Variants in GRIP1 observed in about 807,000 individuals in gnomAD.
GRIP1 encodes the protein glutamate receptor-interacting protein 1.
A neutral mutation model predicts 129.9 loss-of-function variants in GRIP1; 45 were observed. The ratio of observed to expected loss-of-function variants is 0.35; its 90% CI spans 0.27 to 0.44. The LOEUF (loss-of-function observed/expected upper bound fraction) is 0.44. Ranked by LOEUF, GRIP1 falls within the 20% of genes least tolerant of loss-of-function variation. GRIP1 has a pLI of 1.00. For synonymous variants in GRIP1, 530 were observed against 520.8 expected (o/e 1.02, Z -0.24); for missense variants, 1,196 against 1,396.8 (o/e 0.86, Z 2.29).
intron 1 of GRIP1, among the ~76,000 whole-genome samples, chr12:66,997,285 T>A (rs1279138606): frequency 6.6e-6 from 1 of 151,734 alleles, no homozygotes; most frequent in East Asian, 1.9e-4. Flanking sequence ...CTCCATTAAA[T>A]AAGGACAGGA....
chr12:66,451,795 G>A (rs909729079), intron 11 of GRIP1, among the ~76,000 whole-genome samples: 6 of 152,130 alleles, frequency 3.9e-5, no homozygotes, highest in Non-Finnish European at 5.9e-5. Context: ...GTTCAGGAAC[G>A]CAGTAGAGGT....
At chr12:66,906,112 T>A (rs866207084) in intron 1 of GRIP1, among the ~76,000 whole-genome samples, 4 of 152,152 alleles carry the variant, frequency 2.6e-5, no homozygotes, top group African/African-American at 9.6e-5. Context: ...AAAACTTGTA[T>A]CATTTAAAAT....
At position 66,353,438 on chromosome 12, in the gene GRIP1, C is replaced by T; in HGVS notation, c.3138G>A (p.Lys1046=). The T allele has an allele frequency of 6.2e-7, 1 of 1,612,856 alleles. No homozygotes were observed. The highest frequency in any genetic ancestry group is 1.1e-5 in the South Asian group (1 of 91,064). ...PAGPGDLGGL[K]PYDRLLQVNH... Reference sequence around the variant, plus strand: ...TTACCTGTAAGAGCCTGTCATAGGGCTTTAAGCCACCAAGATCTCCTGGCC... The same window carrying T: ...TTACCTGTAAGAGCCTGTCATAGGGTTTTAAGCCACCAAGATCTCCTGGCC... Residue 1046 remains lysine (K), a synonymous_variant, in exon 24 of 25, where the codon AAG becomes AAA. Coordinates refer to ENST00000359742, the MANE Select transcript of GRIP1 (RefSeq NM_001366722.1).
intron 7 of GRIP1, among the ~76,000 whole-genome samples, chr12:66,511,270 G>A (rs1039873483): frequency 2.0e-5 from 3 of 152,068 alleles, no homozygotes; most frequent in African/African-American, 7.2e-5. Context: ...CCAGCCATGT[G>A]GAACTGTGAG....
chr12:66,384,436 A>G (rs1487879344), intron 19 of GRIP1, among the ~76,000 whole-genome samples: 3 of 152,234 alleles, frequency 2.0e-5, no homozygotes, highest in Non-Finnish European at 2.9e-5. Flanking sequence ...GAATTGTGAG[A>G]TATTCCGGGT....
intron 13 of GRIP1, among the ~76,000 whole-genome samples, chr12:66,438,391 A>G (rs138428647): frequency 2.3e-3 from 347 of 152,302 alleles, no homozygotes; most frequent in African/African-American, 8.0e-3. Flanking sequence ...GGAACCCCAG[A>G]GAAACAGTAG....
intron 1 of GRIP1, among the ~76,000 whole-genome samples, chr12:66,728,604 A>C (rs1452925844): frequency 6.6e-6 from 1 of 152,160 alleles, no homozygotes; most frequent in Non-Finnish European, 1.5e-5. Flanking sequence ...CTTTTAAACC[A>C]TTATACTCAG....
chr12:66,937,530 C>T (rs1278254426), intron 1 of GRIP1, among the ~76,000 whole-genome samples: 1 of 152,124 alleles, frequency 6.6e-6, no homozygotes. Context: ...AAGTAATACA[C>T]AAGCTCATAC....
At chr12:66,856,101 G>A (rs1186043510) in intron 1 of GRIP1, among the ~76,000 whole-genome samples, 1 of 151,998 alleles carries the variant, frequency 6.6e-6, no homozygotes, top group African/African-American at 2.4e-5. Context: ...TGACAAACCT[G>A]ACAAAAACAA....
chr12:66,916,658 TA>T (rs142101681), intron 1 of GRIP1, among the ~76,000 whole-genome samples: 4,034 of 152,102 alleles, frequency 0.027, 191 homozygotes, highest in African/African-American at 0.093. Flanking sequence ...TTAGGGGGGT[TA>T]AAAAAACGAT....
chr12:66,356,301 C>T (rs2054485932), intron 23 of GRIP1, among the ~76,000 whole-genome samples: 1 of 152,218 alleles, frequency 6.6e-6, no homozygotes, highest in African/African-American at 2.4e-5. Flanking sequence ...AGAGAAATAG[C>T]AACTTGCCCA....
At chr12:66,499,290 G>C (rs1196084591) in intron 7 of GRIP1, among the ~76,000 whole-genome samples, 6 of 152,154 alleles carry the variant, frequency 3.9e-5, no homozygotes, top group Admixed American at 3.9e-4. Context: ...CAAAAAACAA[G>C]AGGTAGCCTG....
chr12:66,713,323 C>A (rs2035768741), intron 1 of GRIP1, among the ~76,000 whole-genome samples: 1 of 151,920 alleles, frequency 6.6e-6, no homozygotes, highest in African/African-American at 2.4e-5. Context: ...TTATTGATCA[C>A]CTATTATGTG....
chr12:66,711,709 T>A (rs566993629), intron 1 of GRIP1, among the ~76,000 whole-genome samples: 1 of 151,886 alleles, frequency 6.6e-6, no homozygotes, highest in African/African-American at 2.4e-5. Flanking sequence ...AAATAATGGA[T>A]AAACTAAAAA....
At chr12:66,605,383 T>TTAC (rs1177141991) in intron 1 of GRIP1, among the ~76,000 whole-genome samples, 1 of 152,158 alleles carries the variant, frequency 6.6e-6, no homozygotes, top group Non-Finnish European at 1.5e-5. Flanking sequence ...TTACATGACA[T>TTAC]TACTGCAAAG....
At chr12:66,710,204 A>G (rs1187587600) in intron 1 of GRIP1, among the ~76,000 whole-genome samples, 1 of 151,982 alleles carries the variant, frequency 6.6e-6, no homozygotes, top group African/African-American at 2.4e-5. Context: ...AGTGTTTTTA[A>G]AAGTAGAAGA....
intron 1 of GRIP1, among the ~76,000 whole-genome samples, chr12:66,765,512 G>A (rs1313295823): frequency 2.0e-5 from 3 of 152,176 alleles, no homozygotes; most frequent in Non-Finnish European, 4.4e-5. Flanking sequence ...TCAAGAGTGT[G>A]ATATTGTGGA....
intron 1 of GRIP1, among the ~76,000 whole-genome samples, chr12:66,922,055 T>G (rs557694573): frequency 6.6e-6 from 1 of 152,230 alleles, no homozygotes; most frequent in East Asian, 1.9e-4. Context: ...AAGTGTTTAT[T>G]TCACCTTATC....
chr12:66,379,298 T>C lies in GRIP1; in HGVS notation c.2603A>G (p.Asp868Gly). 1 of 1,613,920 alleles carries C rather than the reference T, an allele frequency of 6.2e-7. No homozygotes were observed. Among genetic ancestry groups the C allele is most frequent in the African/African-American group, 1.3e-5 (1 of 75,046 alleles). ...PDVGLSYEDWDRSTASGFAGA... is the reference protein window; with the variant it reads ...PDVGLSYEDWGRSTASGFAGA... Reference sequence around the variant, plus strand: ...ACCTTACCCACTGGCTGTGGACCGGTCCCAGTCTTCATAACTCAGCCCCAC... The same window carrying C: ...ACCTTACCCACTGGCTGTGGACCGGCCCCAGTCTTCATAACTCAGCCCCAC... The change falls in exon 20 of 25, where the codon GAC (aspartate) becomes GGC (glycine). Residue 868 changes from aspartate (D) to glycine (G), a missense_variant. Asp to Gly is a moderately conservative substitution (Grantham distance 94). Around this residue, in one of 5 missense-constraint regions of GRIP1, gnomAD observed 427 missense variants for 463.3 expected, o/e 0.92. Coordinates refer to ENST00000359742, the MANE Select transcript of GRIP1 (RefSeq NM_001366722.1).
Sources: gnomAD v4.1 joint callset for allele counts (sites outside exome capture counted in the v4.1 genomes callset) on GRCh38, gnomAD v4.1.1 for gene constraint, gnomAD v4.1.1 regional missense constraint, MANE v1.5 for transcripts, NCBI Gene and HGNC (gene_info 2026-07-23, HGNC 2026-07-21) for gene names.